The following NAALADL2 variants were observed in gnomAD, a reference collection of about 807,000 sequenced individuals.
NAALADL2 encodes the protein inactive N-acetylated-alpha-linked acidic dipeptidase-like protein 2.
NAALADL2 carries 76 observed loss-of-function variants against 87.2 expected under a neutral mutation model. That is an observed-to-expected ratio of 0.87 (90% CI 0.72 to 1.05). NAALADL2 has a LOEUF of 1.05. Ranked by LOEUF, NAALADL2 falls within the 50% of genes least tolerant of loss-of-function variation. The pLI is 0.00. For missense variants in NAALADL2, 1,089 were observed against 945.8 expected, an observed-to-expected ratio of 1.15 and a Z score of -1.99; for synonymous variants, 354 against 331.0, an observed-to-expected ratio of 1.07 and a Z score of -0.75.
chr3:174,818,001 TCAAAATGCAA>T (rs1720988963), intron 3 of NAALADL2, among the ~76,000 whole-genome samples: 1 of 152,202 alleles, frequency 6.6e-6, no homozygotes, highest in African/African-American at 2.4e-5. Context: ...ATTTTGTTCT[TCAAAATGCAA>T]CCCGCTGGGC....
intron 3 of NAALADL2, among the ~76,000 whole-genome samples, chr3:174,800,763 C>A (rs1013969104): frequency 6.6e-6 from 1 of 152,198 alleles, no homozygotes; most frequent in Non-Finnish European, 1.5e-5. Flanking sequence ...CTATACCCTG[C>A]AAAGCCACAG....
chr3:175,697,393 G>GCACA (rs1249196090), intron 11 of NAALADL2, among the ~76,000 whole-genome samples: 68 of 108,854 alleles, frequency 6.2e-4, no homozygotes, highest in African/African-American at 2.9e-3. Flanking sequence ...TGCTAAAGCT[G>GCACA]CACACAGACA....
chr3:175,760,387 C>A (rs1411438341), intron 13 of NAALADL2, among the ~76,000 whole-genome samples: 1 of 152,090 alleles, frequency 6.6e-6, no homozygotes, highest in Non-Finnish European at 1.5e-5. Flanking sequence ...ACATCTAATT[C>A]TGAGTAAGGG....
chr3:175,723,683 T>G lies in NAALADL2; in HGVS notation c.1897-13623T>G, dbSNP rs532229249. Among the ~76,000 whole-genome samples, 11 of 152,232 alleles carry G rather than the reference T, an allele frequency of 7.2e-5. 1 individual carries two copies. In the East Asian group the frequency reaches 1.4e-3, roughly 19 times the overall value. On this transcript the variant is annotated intron_variant, in intron 11 of 13. Coordinates refer to ENST00000454872, the MANE Select transcript of NAALADL2 (RefSeq NM_207015.3). ...CAATATAAATAGAATATCTTTCTCCTTTACATGGAGCTTGTTGAGAAGGAA... is the reference window on the plus strand; with the variant it reads ...CAATATAAATAGAATATCTTTCTCCGTTACATGGAGCTTGTTGAGAAGGAA...
At chr3:175,473,445 A>C (rs1173353282) in intron 9 of NAALADL2, among the ~76,000 whole-genome samples, 1 of 151,982 alleles carries the variant, frequency 6.6e-6, no homozygotes, top group African/African-American at 2.4e-5. Context: ...TTCATGTTTC[A>C]CAGAACAATT....
At chr3:175,329,662 C>G (rs1761168621) in intron 5 of NAALADL2, among the ~76,000 whole-genome samples, 1 of 152,094 alleles carries the variant, frequency 6.6e-6, no homozygotes, top group Non-Finnish European at 1.5e-5. Context: ...CTTACTATTT[C>G]ATTGTAAGTG....
intron 13 of NAALADL2, among the ~76,000 whole-genome samples, chr3:175,794,120 A>G (rs971484524): frequency 4.6e-5 from 7 of 152,230 alleles, no homozygotes; most frequent in African/African-American, 1.7e-4. Flanking sequence ...GACAATGCAA[A>G]TATCTGGAGT....
intron 3 of NAALADL2, among the ~76,000 whole-genome samples, chr3:174,787,615 A>G (rs1361465170): frequency 7.8e-4 from 92 of 117,584 alleles, no homozygotes; most frequent in African/African-American, 2.7e-3. Flanking sequence ...ATATATATAT[A>G]TATATAGTAG....
chr3:175,499,167 G>C (rs1729206637), intron 9 of NAALADL2, among the ~76,000 whole-genome samples: 1 of 152,070 alleles, frequency 6.6e-6, no homozygotes, highest in South Asian at 2.1e-4. Context: ...GTGTGTGATA[G>C]ATTTGTTAAT....
At chr3:175,283,436 G>C (rs148220220) in intron 4 of NAALADL2, among the ~76,000 whole-genome samples, 20 of 152,034 alleles carry the variant, frequency 1.3e-4, no homozygotes, top group African/African-American at 4.8e-4. Flanking sequence ...TGTTCTGTTA[G>C]CCAGGTCTGA....
At chr3:174,833,559 G>T (rs1357512778) in intron 3 of NAALADL2, among the ~76,000 whole-genome samples, 6 of 152,020 alleles carry the variant, frequency 3.9e-5, no homozygotes, top group Admixed American at 2.0e-4. Flanking sequence ...TATGAAGCCA[G>T]TTTTGCCCTG....
chr3:175,317,879 AAGGGAAAAT>A (rs1759357091), intron 4 of NAALADL2, among the ~76,000 whole-genome samples: 1 of 152,190 alleles, frequency 6.6e-6, no homozygotes, highest in Non-Finnish European at 1.5e-5. Context: ...AGCTCCTCTG[AAGGGAAAAT>A]AGCTTATCAA....
chr3:175,540,631 C>T (rs2149467817), intron 9 of NAALADL2, among the ~76,000 whole-genome samples: 1 of 152,086 alleles, frequency 6.6e-6, no homozygotes, highest in African/African-American at 2.4e-5. Context: ...AAGGCCATTG[C>T]AATAGTAATG....
chr3:175,734,935 G>T (rs1214345654), intron 11 of NAALADL2, among the ~76,000 whole-genome samples: 1 of 152,164 alleles, frequency 6.6e-6, no homozygotes, highest in African/African-American at 2.4e-5. Context: ...TCTCCAGCTG[G>T]CTTGAATTTC....
intron 9 of NAALADL2, among the ~76,000 whole-genome samples, chr3:175,491,021 G>T (rs575699540): frequency 5.6e-4 from 85 of 152,076 alleles, no homozygotes; most frequent in Admixed American, 2.2e-3. Context: ...GATGGATAGA[G>T]ACTTTTTTTA....
At chr3:175,228,358 A>G (rs1202996767) in intron 2 of NAALADL2, among the ~76,000 whole-genome samples, 1 of 151,972 alleles carries the variant, frequency 6.6e-6, no homozygotes, top group Non-Finnish European at 1.5e-5. Flanking sequence ...AATATCTACA[A>G]AGAAATCATG....
chr3:174,777,289 C>T (rs1241864520), intron 3 of NAALADL2, among the ~76,000 whole-genome samples: 1 of 152,026 alleles, frequency 6.6e-6, no homozygotes, highest in Non-Finnish European at 1.5e-5. Flanking sequence ...AATCATACCA[C>T]CTTTTGCCAC....
chr3:175,478,959 C>T (rs980221883), intron 9 of NAALADL2, among the ~76,000 whole-genome samples: 1 of 151,798 alleles, frequency 6.6e-6, no homozygotes, highest in African/African-American at 2.4e-5. Context: ...TAATAATTTA[C>T]ATAACACTAC....
intron 10 of NAALADL2, among the ~76,000 whole-genome samples, chr3:175,618,464 C>T (rs1725664893): frequency 6.6e-6 from 1 of 152,166 alleles, no homozygotes; most frequent in South Asian, 2.1e-4. Context: ...TGGGATTGCC[C>T]TTTGCAGCTT....
Sources: gnomAD v4.1 joint callset for allele counts (sites outside exome capture counted in the v4.1 genomes callset) on GRCh38, gnomAD v4.1.1 for gene constraint, MANE v1.5 for transcripts, NCBI Gene and HGNC (gene_info 2026-07-23, HGNC 2026-07-21) for gene names.